Variants in RHBDF2 observed in about 807,000 individuals in gnomAD.
The protein encoded by RHBDF2 is inactive rhomboid protein 2.
A neutral mutation model predicts 95.2 loss-of-function variants in RHBDF2; 38 were observed. That is an observed-to-expected ratio of 0.40 (90% CI 0.31 to 0.52). RHBDF2 has a LOEUF of 0.52. Among genes scored for constraint, RHBDF2 ranks in the 20% least tolerant of loss-of-function variants. The probability of loss-of-function intolerance (pLI) is 0.56; values close to 1 mark genes in which losing one functional copy is unlikely to be tolerated. For synonymous variants in RHBDF2, 442 were observed against 462.0 expected (o/e 0.96, Z 0.55); for missense variants, 863 against 1,137.7 (o/e 0.76, Z 3.47).
At chr17:76,477,905 T>A (rs2073826261) in intron 6 of RHBDF2, 120 bp from the exon 7 acceptor site, 4 of 1,446,130 alleles carry the variant, frequency 2.8e-6, no homozygotes, top group Non-Finnish European at 3.7e-6. Context: ...GGAGGAGGGA[T>A]CCTGCCCAAA....
At chr17:76,490,779 C>T (rs775686343) in intron 1 of RHBDF2, among the ~76,000 whole-genome samples, 185 of 152,334 alleles carry the variant, frequency 1.2e-3, no homozygotes, top group Middle Eastern at 3.4e-3. Context: ...TCATCTGAAG[C>T]GCTGCGCCTG....
At chr17:76,476,537 G>A in intron 9 of RHBDF2, 1 of 381,972 alleles carries the variant, frequency 2.6e-6, no homozygotes, top group Non-Finnish European at 4.8e-6. Context: ...TTTAGGGCCT[G>A]CAGGCAGTGA....
Position 76,473,089 on chromosome 17 carries a change from T to G in RHBDF2, c.1826A>C (p.Lys609Thr). The stretch of plus-strand genomic sequence containing the variant: ...GAGGAAGGGCAGCAGCCCACACACC[T>G]TGTCCAAGCAGTGCACCTGGGAGTG... ...TLCSQVHCLD[K>T]VCGLLPFLNP... The change falls in exon 17 of 19, where the codon AAG becomes ACG. Residue 609 changes from lysine to threonine, a missense_variant. This residue lies in a region of RHBDF2 where 252 missense variants were observed against 412.2 expected (regional missense o/e 0.61). Coordinates refer to ENST00000675367, the MANE Select transcript of RHBDF2 (RefSeq NM_001005498.4). 1 of 1,613,970 alleles carries G rather than the reference T, an allele frequency of 6.2e-7. No homozygotes were observed.
Position 76,479,727 on chromosome 17 carries a change from G to A in RHBDF2, c.272+6C>T, listed in dbSNP as rs776408428. The A allele has an allele frequency of 5.6e-6, 9 of 1,602,096 alleles. No homozygotes were observed. The African/African-American group carries it at 1.2e-4, about 21-fold the overall frequency. The stretch of plus-strand genomic sequence containing the variant: ...GGGTGCTGGGCTTGGGTGTAGGGGG[G>A]CTCACTTGCGGATGCTCTGGGACAG... On this transcript the variant is annotated splice_donor_region_variant and intron_variant, in intron 4 of 18. Transcript: ENST00000675367.
rs2073794378 is a variant in RHBDF2, at chr17:76,477,019, T to C, written c.926A>G (p.Glu309Gly). The C allele has an allele frequency of 6.2e-7, 1 of 1,613,350 alleles. No individual in the cohort carries two copies. The highest frequency in any genetic ancestry group is 8.5e-7 in the Non-Finnish European group (1 of 1,179,806). ...SPDGVQIPLK[E>G]YGRAPVPGPR... The stretch of plus-strand genomic sequence containing the variant: ...CCCGGGGACTGGGGCTCGGCCATAC[T>C]CCTTCCTGGTGGGGATGGTGGCTTT... Residue 309 changes from glutamate (E) to glycine (G), a missense_variant, in exon 9 of 19, where the codon GAG becomes GGG. By Grantham distance (98) the Glu-to-Gly change is moderately conservative. Around this residue, in one of 2 missense-constraint regions of RHBDF2, gnomAD observed 611 missense variants for 725.5 expected, o/e 0.84. Coordinates refer to ENST00000675367, the MANE Select transcript of RHBDF2 (RefSeq NM_001005498.4).
chr17:76,495,032 T>G (rs2074399363), intron 1 of RHBDF2, among the ~76,000 whole-genome samples: 1 of 151,908 alleles, frequency 6.6e-6, no homozygotes, highest in Non-Finnish European at 1.5e-5. Context: ...ACCAGGACAC[T>G]GGAGGGTTTC....
chr17:76,499,770 T>C (rs1397323019), intron 1 of RHBDF2, among the ~76,000 whole-genome samples: 1 of 151,996 alleles, frequency 6.6e-6, no homozygotes, highest in African/African-American at 2.4e-5. Flanking sequence ...TTTGGGAAAA[T>C]CTATGGGAAG....
intron 1 of RHBDF2, among the ~76,000 whole-genome samples, chr17:76,496,603 C>T (rs1002633392): frequency 1.3e-5 from 2 of 152,200 alleles, no homozygotes; most frequent in Non-Finnish European, 2.9e-5. Flanking sequence ...AGGACTTTTA[C>T]AGACATGATC....
intron 9 of RHBDF2, among the ~76,000 whole-genome samples, chr17:76,475,668 C>T (rs1274701004): frequency 2.6e-5 from 4 of 151,718 alleles, no homozygotes; most frequent in East Asian, 1.9e-4. Flanking sequence ...CTGCAACCTT[C>T]GCCCCCAGGT....
In RHBDF2 at chr17:76,474,429, A is replaced by T. The variant is rs1369639116; in HGVS notation, c.1408T>A (p.Cys470Ser). 6.2e-7 allele frequency: 1 copy of T among 1,613,892 alleles called. No homozygotes were observed. The highest frequency in any genetic ancestry group is 1.3e-5 in the African/African-American group (1 of 74,926). ...RERDLERDSG[C>S]CVQNDHSGCI... ...CCGGAGTGGTCATTCTGGACACAGC[A>T]GCCTGAGTCCCGCTCCAGGTCTCGC... The change falls in exon 12 of 19, where the codon TGC becomes AGC. Residue 470 changes from cysteine to serine, a missense_variant. Around this residue, in one of 2 missense-constraint regions of RHBDF2, gnomAD observed 611 missense variants for 725.5 expected, o/e 0.84. Coordinates refer to ENST00000675367, the MANE Select transcript of RHBDF2 (RefSeq NM_001005498.4).
chr17:76,474,457 G>GC lies in RHBDF2; in HGVS notation c.1379dup (p.Glu461ArgfsTer15). ...CTGAGTCCCGCTCCAGGTCTCGCTC[G>GC]CGCAGCACCAGCTGCTCGATCTGCC... On this transcript the variant is annotated frameshift_variant, in exon 12 of 19. Transcript: ENST00000675367. LOFTEE classifies it high-confidence loss of function. 6.2e-7 allele frequency: 1 copy of GC among 1,614,088 alleles called. No individual in the cohort carries two copies. Among genetic ancestry groups the GC allele is most frequent in the South Asian group, 1.1e-5 (1 of 91,086 alleles).
chr17:76,499,534 A>G (rs1200286660), intron 1 of RHBDF2, among the ~76,000 whole-genome samples: 1 of 152,096 alleles, frequency 6.6e-6, no homozygotes. Context: ...CCTCCACCCC[A>G]TCAGCAGCTG....
intron 3 of RHBDF2, among the ~76,000 whole-genome samples, chr17:76,480,331 G>C (rs1366389052): frequency 2.6e-5 from 4 of 151,384 alleles, no homozygotes; most frequent in Non-Finnish European, 5.9e-5. Context: ...AAGTGATCTG[G>C]CCGCCTCGGC....
chr17:76,497,880 T>C (rs1212876837), intron 1 of RHBDF2, among the ~76,000 whole-genome samples: 3 of 152,036 alleles, frequency 2.0e-5, no homozygotes, highest in African/African-American at 7.2e-5. Flanking sequence ...GTCACAAGGT[T>C]CCCCTCACAC....
intron 1 of RHBDF2, among the ~76,000 whole-genome samples, chr17:76,494,352 G>A (rs35900286): frequency 0.15 from 22,893 of 152,154 alleles, 1,899 homozygotes; most frequent in African/African-American, 0.21. Context: ...CAAGACACAG[G>A]GGTGGGCACC....
At chr17:76,483,843 G>A (rs2074042896) in intron 2 of RHBDF2, among the ~76,000 whole-genome samples, 1 of 152,174 alleles carries the variant, frequency 6.6e-6, no homozygotes, top group Admixed American at 6.5e-5. Context: ...CCCATCTGGG[G>A]CTTTCCTGTG....
intron 2 of RHBDF2, among the ~76,000 whole-genome samples, chr17:76,482,906 A>C (rs1421754922): frequency 1.3e-5 from 2 of 151,932 alleles, no homozygotes; most frequent in African/African-American, 2.4e-5. Flanking sequence ...GTGGTGGCTT[A>C]CACGTACAAT....
At chr17:76,481,094 G>GA (rs1304341152) in intron 3 of RHBDF2, among the ~76,000 whole-genome samples, 1 of 152,216 alleles carries the variant, frequency 6.6e-6, no homozygotes, top group Non-Finnish European at 1.5e-5. Context: ...GGGGTGAAAT[G>GA]AGAACAGCCA....
intron 15 of RHBDF2, 72 bp downstream of exon 15, chr17:76,473,576 G>T: frequency 1.5e-6 from 2 of 1,301,478 alleles, no homozygotes; most frequent in Non-Finnish European, 1.1e-6. Flanking sequence ...CGGTGGAGGA[G>T]CAGAGGGCCC....
Sources: allele counts gnomAD v4.1 joint callset (sites outside exome capture counted in the v4.1 genomes callset), GRCh38; gene constraint gnomAD v4.1.1; regional missense constraint gnomAD v4.1.1; transcripts MANE v1.5; gene names NCBI Gene and HGNC (gene_info 2026-07-23, HGNC 2026-07-21).